NEBL: variants seen among roughly 807,000 people sequenced by gnomAD.
NEBL encodes the protein LIM and SH3 protein 2.
In NEBL, 122 loss-of-function variants were observed where a neutral mutation model predicts 140.2. The ratio of observed to expected loss-of-function variants is 0.87; its 90% CI spans 0.75 to 1.01. NEBL has a LOEUF of 1.01. Ranked by LOEUF, NEBL falls within the 50% of genes least tolerant of loss-of-function variation. The pLI is 0.00. For missense variants in NEBL, 1,365 were observed against 1,231.3 expected (o/e 1.11, Z -1.62); for synonymous variants, 436 against 398.9 (o/e 1.09, Z -1.11).
intron 1 of NEBL, among the ~76,000 whole-genome samples, chr10:21,273,028 G>A (rs546081294): frequency 6.6e-6 from 1 of 152,276 alleles, no homozygotes; most frequent in East Asian, 1.9e-4. Flanking sequence ...CTAGGTACAG[G>A]AAAGAGGAAA....
At chr10:21,272,484 G>A (rs984776532) in intron 1 of NEBL, among the ~76,000 whole-genome samples, 2 of 151,992 alleles carry the variant, frequency 1.3e-5, no homozygotes, top group African/African-American at 2.4e-5. Flanking sequence ...AGCTACTCAC[G>A]AGGCTGAGGT....
Position 21,149,167 on chromosome 10 carries a change from G to T in NEBL, c.164+23216C>A, listed in dbSNP as rs568991357. Reference sequence around the variant, plus strand: ...TGAAGCGTCCCAAAAAGGCCCAAGAGAACACTGTAGTGAGAACTTCGGGGC... The same window carrying T: ...TGAAGCGTCCCAAAAAGGCCCAAGATAACACTGTAGTGAGAACTTCGGGGC... On this transcript the variant is annotated intron_variant, in intron 2 of 6. Coordinates refer to the NEBL transcript ENST00000417816. Among the ~76,000 whole-genome samples the T allele has an allele frequency of 2.0e-5, 3 of 152,356 alleles. No individual in the cohort carries two copies. In the South Asian group the frequency reaches 6.2e-4, roughly 32 times the overall value.
chr10:21,077,481 C>A (rs1328105016), intron 2 of NEBL, among the ~76,000 whole-genome samples: 3 of 152,004 alleles, frequency 2.0e-5, no homozygotes, highest in Non-Finnish European at 4.4e-5. Context: ...GTGGCAGGTG[C>A]CTGTAGTCCC....
At chr10:20,845,513 G>C in intron 11 of NEBL, 145 bp from the exon 12 acceptor site, 1 of 592,284 alleles carries the variant, frequency 1.7e-6, no homozygotes, top group South Asian at 2.1e-5. Flanking sequence ...AGGGAAATAA[G>C]TTCAACTTTG....
chr10:21,082,453 T>A (rs543514850), intron 2 of NEBL, among the ~76,000 whole-genome samples: 1 of 151,384 alleles, frequency 6.6e-6, no homozygotes, highest in South Asian at 2.1e-4. Context: ...GGCAACTTAC[T>A]TTCAAGTGAT....
intron 1 of NEBL, among the ~76,000 whole-genome samples, chr10:21,259,574 C>T (rs1009275135): frequency 7.9e-5 from 12 of 152,174 alleles, no homozygotes; most frequent in Non-Finnish European, 1.5e-4. Context: ...CACCCCAAGC[C>T]CCACCCTTAC....
chr10:21,138,575 C>T (rs578117948), intron 2 of NEBL, among the ~76,000 whole-genome samples: 4 of 151,992 alleles, frequency 2.6e-5, no homozygotes, highest in Admixed American at 1.3e-4. Flanking sequence ...GACAGAAACA[C>T]GACAAAAATG....
Position 21,232,460 on chromosome 10 carries a change from A to T in NEBL, n.348+15461T>A, listed in dbSNP as rs539875576. 1.1e-4 allele frequency among the ~76,000 whole-genome samples: 16 copies of T among 152,346 alleles called. No individual in the cohort carries two copies. The South Asian group carries it at 3.1e-3, about 30-fold the overall frequency. ...TTACATTGTAATATATGAGGAAATA[A>T]TTGTACAACTCACCATAATGTACAA... On this transcript the variant is annotated intron_variant and non_coding_transcript_variant, in intron 3 of 8. Transcript: ENST00000675702.
Position 20,817,681 on chromosome 10 carries a change from C to G in NEBL, c.2067G>C (p.Lys689Asn). 1 of 1,612,522 alleles carries G rather than the reference C, an allele frequency of 6.2e-7. No homozygotes were observed. Reference sequence around the variant, plus strand: ...TTGCAGTTCCCCGTTGAAGTTCTCCCTTATATTTTACCTAAGAAGGATAAA... The same window carrying G: ...TTGCAGTTCCCCGTTGAAGTTCTCCGTTATATTTTACCTAAGAAGGATAAA... Reference protein sequence around the residue: ...NQEQLSAVKYKGELQRGTAIS... With the variant: ...NQEQLSAVKYNGELQRGTAIS... The change falls in exon 21 of 28, where the codon AAG (lysine) becomes AAC (asparagine). Residue 689 changes from lysine (K) to asparagine (N), a missense_variant. Around this residue, in one of 2 missense-constraint regions of NEBL, gnomAD observed 1,323 missense variants for 1,154.8 expected, o/e 1.15. Coordinates refer to ENST00000377122, the MANE Select transcript of NEBL (RefSeq NM_006393.3).
At chr10:20,943,223 A>G (rs896583505) in intron 4 of NEBL, among the ~76,000 whole-genome samples, 2 of 152,254 alleles carry the variant, frequency 1.3e-5, no homozygotes, top group Non-Finnish European at 1.5e-5. Context: ...GATTAAGAAA[A>G]TGTGGCACAT....
intron 3 of NEBL, among the ~76,000 whole-genome samples, chr10:21,214,420 G>C (rs532576032): frequency 6.6e-6 from 1 of 151,856 alleles, no homozygotes; most frequent in Non-Finnish European, 1.5e-5. Flanking sequence ...AAAGGAAAAG[G>C]ATCTCCTCAG....
intron 3 of NEBL, among the ~76,000 whole-genome samples, chr10:20,888,890 T>A (rs1168406718): frequency 6.6e-6 from 1 of 152,200 alleles, no homozygotes; most frequent in African/African-American, 2.4e-5. Flanking sequence ...ACAAACAAAC[T>A]ATGTTCTTCC....
At chr10:20,884,081 G>A (rs746780155) in intron 4 of NEBL, among the ~76,000 whole-genome samples, 10 of 152,092 alleles carry the variant, frequency 6.6e-5, no homozygotes, top group Non-Finnish European at 1.3e-4. Context: ...CTAGGAACCT[G>A]GAGACAGGAG....
intron 4 of NEBL, among the ~76,000 whole-genome samples, chr10:20,938,333 T>A (rs1834629223): frequency 6.6e-6 from 1 of 152,222 alleles, no homozygotes; most frequent in Admixed American, 6.5e-5. Context: ...AAACACGGTC[T>A]GGAGTGGACC....
intron 2 of NEBL, chr10:21,125,908 GT>G: frequency 3.1e-6 from 5 of 1,614,154 alleles, no homozygotes; most frequent in Non-Finnish European, 4.2e-6. Flanking sequence ...CTTCCCTTTG[GT>G]TATACCTTCT....
At chr10:20,868,552 T>A in intron 7 of NEBL, 112 bp downstream of exon 7, 1 of 846,450 alleles carries the variant, frequency 1.2e-6, no homozygotes, top group Non-Finnish European at 2.1e-6. Flanking sequence ...AGAAACATTA[T>A]CTCTGTTTAT....
At chr10:21,018,049 T>G (rs1393782723) in intron 3 of NEBL, among the ~76,000 whole-genome samples, 1 of 152,152 alleles carries the variant, frequency 6.6e-6, no homozygotes, top group African/African-American at 2.4e-5. Context: ...CTCGAACTCC[T>G]GACCTCAAGT....
intron 3 of NEBL, among the ~76,000 whole-genome samples, chr10:20,993,047 T>G (rs1367797506): frequency 6.6e-6 from 1 of 151,988 alleles, no homozygotes; most frequent in Non-Finnish European, 1.5e-5. Flanking sequence ...CCTCCCAAAG[T>G]GCTGGGATTA....
intron 5 of NEBL, among the ~76,000 whole-genome samples, chr10:20,874,175 A>C (rs1845253703): frequency 6.6e-6 from 1 of 152,168 alleles, no homozygotes; most frequent in African/African-American, 2.4e-5. Context: ...CATTTATCTA[A>C]GTCATTCTCC....
Sources: allele counts gnomAD v4.1 joint callset (sites outside exome capture counted in the v4.1 genomes callset), GRCh38; gene constraint gnomAD v4.1.1; regional missense constraint gnomAD v4.1.1; transcripts MANE v1.5; gene names NCBI Gene and HGNC (gene_info 2026-07-23, HGNC 2026-07-21).